CDC14A: variants seen among roughly 807,000 people sequenced by gnomAD.
CDC14A encodes the protein cell division cycle 14A.
In CDC14A, 53 loss-of-function variants were observed where a neutral mutation model predicts 74.4. That is an observed-to-expected ratio of 0.71 (90% CI 0.57 to 0.89). CDC14A has a LOEUF of 0.89. Ranked by LOEUF, CDC14A falls within the 40% of genes least tolerant of loss-of-function variation. The probability of loss-of-function intolerance (pLI) is 0.00; values close to 1 mark genes in which losing one functional copy is unlikely to be tolerated. For missense variants in CDC14A, 646 were observed against 713.7 expected, an observed-to-expected ratio of 0.91 and a Z score of 1.08; for synonymous variants, 247 against 258.4, an observed-to-expected ratio of 0.96 and a Z score of 0.43.
chr1:100,481,341 G>T (rs879406088), intron 10 of CDC14A, among the ~76,000 whole-genome samples: 1 of 152,104 alleles, frequency 6.6e-6, no homozygotes, highest in Non-Finnish European at 1.5e-5. Flanking sequence ...TAAAGAGTTC[G>T]GTTGGTGTGG....
At chr1:100,359,557 G>A (rs1269014383) in intron 2 of CDC14A, among the ~76,000 whole-genome samples, 1 of 152,170 alleles carries the variant, frequency 6.6e-6, no homozygotes, top group Non-Finnish European at 1.5e-5. Flanking sequence ...TCCTATCTGG[G>A]AATGTGTGGT....
intron 4 of CDC14A, among the ~76,000 whole-genome samples, chr1:100,422,739 T>C (rs1662512340): frequency 6.6e-6 from 1 of 152,244 alleles, no homozygotes. Context: ...TCATGTTTAC[T>C]TGCCAAATGA....
At chr1:100,485,875 C>G (rs935951774) in intron 11 of CDC14A, 4 of 152,252 alleles carry the variant, frequency 2.6e-5, no homozygotes, top group Non-Finnish European at 5.9e-5. Context: ...GCCCAGTGCT[C>G]TGTTCTCCAG....
chr1:100,497,598 G>A (rs762896722), intron 13 of CDC14A, among the ~76,000 whole-genome samples: 15 of 152,164 alleles, frequency 9.9e-5, no homozygotes, highest in Non-Finnish European at 1.6e-4. Flanking sequence ...AGATGGCCTC[G>A]CCTAGGGTAG....
intron 10 of CDC14A, among the ~76,000 whole-genome samples, chr1:100,478,593 T>A (rs1046733222): frequency 6.6e-6 from 1 of 152,210 alleles, no homozygotes; most frequent in African/African-American, 2.4e-5. Context: ...TGTTTTACAT[T>A]TCCTTCTGAG....
intron 15 of CDC14A, among the ~76,000 whole-genome samples, chr1:100,515,407 G>A (rs1172130182): frequency 9.1e-5 from 13 of 143,338 alleles, no homozygotes; most frequent in Non-Finnish European, 1.5e-4. Context: ...TTTTTGAGAC[G>A]GAGTTTTGCT....
chr1:100,353,022 G>C lies in CDC14A; in HGVS notation c.49+19G>C. On this transcript the variant is annotated intron_variant, in intron 1 of 15. Coordinates refer to ENST00000336454, the MANE Select transcript of CDC14A (RefSeq NM_003672.4). Reference sequence around the variant, plus strand: ...ATGAAAGGTGAGGAGCAGCCGCCCCGCATCTTCCAACGCTTTCTTGCCCCC... The same window carrying C: ...ATGAAAGGTGAGGAGCAGCCGCCCCCCATCTTCCAACGCTTTCTTGCCCCC... The C allele has an allele frequency of 6.2e-7, 1 of 1,613,074 alleles. No homozygotes were observed.
In CDC14A at chr1:100,435,823, TAAAAAAAA is replaced by T. The variant is rs10545372; in HGVS notation, c.390-4092_390-4085del. On this transcript the variant is annotated intron_variant, in intron 5 of 15. Coordinates refer to ENST00000336454, the MANE Select transcript of CDC14A (RefSeq NM_003672.4). ...TGGGCTACAAGAGTGAGACTTCGTC[TAAAAAAAA>T]AAAAAAAAAAAAAAAAGGAAAAGGA... Among the ~76,000 whole-genome samples the T allele has an allele frequency of 7.9e-3, 770 of 97,944 alleles. 10 individuals are homozygous for T. The highest frequency in any genetic ancestry group is 0.032 in the African/African-American group (734 of 23,182). 64.3% of individuals were successfully genotyped at this position (97,944 alleles called of 152,430 possible).
intron 3 of CDC14A, among the ~76,000 whole-genome samples, chr1:100,381,936 G>A (rs957735287): frequency 6.6e-6 from 1 of 152,162 alleles, no homozygotes; most frequent in Non-Finnish European, 1.5e-5. Context: ...AACTGTGTAT[G>A]TTATTTAATG....
chr1:100,458,789 C>T (rs912042207), intron 8 of CDC14A, among the ~76,000 whole-genome samples: 1 of 150,588 alleles, frequency 6.6e-6, no homozygotes, highest in African/African-American at 2.5e-5. Flanking sequence ...AAGAAGTGAT[C>T]AAGTAGCTGT....
chr1:100,429,687 A>AAT (rs59832646), intron 5 of CDC14A, among the ~76,000 whole-genome samples: 18,444 of 144,438 alleles, frequency 0.13, 3,454 homozygotes, highest in African/African-American at 0.41. Context: ...ACCATGGCAA[A>AAT]ATATATATAT....
intron 2 of CDC14A, among the ~76,000 whole-genome samples, chr1:100,356,858 T>TAA (rs11448846): frequency 0.048 from 3,416 of 70,526 alleles, 170 homozygotes; most frequent in African/African-American, 0.12. Context: ...AGACTCTGTC[T>TAA]AAAAAAAAAA....
rs1343664225 is a variant in CDC14A, at chr1:100,461,987, GTTA to G, written c.608-659_608-657del. 2.0e-5 allele frequency among the ~76,000 whole-genome samples: 3 copies of G among 151,964 alleles called. No individual in the cohort carries two copies. The East Asian group carries it at 5.8e-4, about 29-fold the overall frequency. ...ATGACTTTAAAGTATATAATACATT[GTTA>G]TTATAGTCACTATGTTGTACAATAG... On this transcript the variant is annotated intron_variant, in intron 8 of 15. Coordinates refer to ENST00000336454, the MANE Select transcript of CDC14A (RefSeq NM_003672.4).
intron 4 of CDC14A, 156 bp downstream of exon 4, chr1:100,390,980 G>A (rs1372306932): frequency 2.9e-6 from 2 of 688,420 alleles, no homozygotes; most frequent in Non-Finnish European, 5.3e-6. Context: ...TGGACTAGCA[G>A]TGGTGGAATG....
upstream of CDC14A, among the ~76,000 whole-genome samples, chr1:100,351,046 T>C (rs1165173478): frequency 1.3e-5 from 2 of 152,036 alleles, no homozygotes; most frequent in Admixed American, 6.5e-5. Context: ...ATACAAAAAT[T>C]AGCCGGGTGT....
chr1:100,401,040 C>G (rs1022855108), intron 4 of CDC14A, among the ~76,000 whole-genome samples: 1 of 152,158 alleles, frequency 6.6e-6, no homozygotes, highest in East Asian at 1.9e-4. Context: ...GTAATTTACT[C>G]ACAAATTTCT....
At position 100,352,602 on chromosome 1, in the gene CDC14A, C is replaced by G; in HGVS notation, c.-353C>G. ...GACCAGAAGTCTCCTCCTCCATGAT[C>G]ACTTTGGAAGCCGGGGGAAGACTTT... On this transcript the variant is annotated 5_prime_UTR_variant, in exon 1 of 16. The change creates a new upstream start codon in the 5' untranslated region. Coordinates refer to ENST00000336454, the MANE Select transcript of CDC14A (RefSeq NM_003672.4). 1 of 1,133,110 alleles carries G rather than the reference C, an allele frequency of 8.8e-7. No individual in the cohort carries two copies. Among genetic ancestry groups the G allele is most frequent in the South Asian group, 2.4e-5 (1 of 42,044 alleles). The allele number at this position is 1,133,110 out of a possible 1,614,324, so 70.2% of individuals were successfully genotyped here.
rs1158142675 is a variant in CDC14A at position 100,455,467 on chromosome 1, A to G, written c.582A>G (p.Pro194=). 2.5e-6 allele frequency: 4 copies of G among 1,593,978 alleles called. No homozygotes were observed. Among genetic ancestry groups the G allele is most frequent in the Middle Eastern group, 1.7e-4 (1 of 6,006 alleles). ...GAAAATTTTTAGCATTTAGTGGACC[A>G]CATCCTAAAAGCAAAATTGAGAATG... ...VPGKFLAFSG[P]HPKSKIENGY... is the part of the protein sequence containing the mutation. Residue 194 remains proline (P), a synonymous_variant, in exon 8 of 16, where the codon CCA becomes CCG. Coordinates refer to ENST00000336454, the MANE Select transcript of CDC14A (RefSeq NM_003672.4).
chr1:100,411,604 G>T (rs1465203639), intron 4 of CDC14A, among the ~76,000 whole-genome samples: 3 of 152,144 alleles, frequency 2.0e-5, no homozygotes, highest in Admixed American at 6.6e-5. Flanking sequence ...GTAGTAGAGG[G>T]CTGCTGTGGC....
Sources: allele counts gnomAD v4.1 joint callset (sites outside exome capture counted in the v4.1 genomes callset), GRCh38; gene constraint gnomAD v4.1.1; transcripts MANE v1.5; gene names NCBI Gene and HGNC (gene_info 2026-07-23, HGNC 2026-07-21).